RBMS1: variants seen among roughly 807,000 people sequenced by gnomAD.
RBMS1 encodes the protein RNA-binding motif, single-stranded-interacting protein 1.
In RBMS1, 17 loss-of-function variants were observed where a neutral mutation model predicts 62.3. That is an observed-to-expected ratio of 0.27 (90% CI 0.19 to 0.41). The LOEUF (loss-of-function observed/expected upper bound fraction) is 0.41. RBMS1 is among the 10% of genes least tolerant of loss of function. RBMS1 has a pLI of 1.00. For missense variants in RBMS1, 334 were observed against 504.5 expected (o/e 0.66, Z 3.24); for synonymous variants, 172 against 170.0 (o/e 1.01, Z -0.09).
At chr2:160,468,304 CT>C (rs1182009560) in intron 1 of RBMS1, among the ~76,000 whole-genome samples, 1 of 152,164 alleles carries the variant, frequency 6.6e-6, no homozygotes, top group Non-Finnish European at 1.5e-5. Flanking sequence ...GGCACGACCC[CT>C]GCTCACAAGT....
chr2:160,471,026 GA>G (rs1036546140), intron 1 of RBMS1, among the ~76,000 whole-genome samples: 7 of 152,140 alleles, frequency 4.6e-5, no homozygotes, highest in African/African-American at 1.7e-4. Context: ...AGCTGATGGG[GA>G]TAAGCTGTGG....
At chr2:160,454,742 A>G (rs1460580550) in intron 1 of RBMS1, among the ~76,000 whole-genome samples, 1 of 152,214 alleles carries the variant, frequency 6.6e-6, no homozygotes, top group East Asian at 1.9e-4. Context: ...TAAAGGCACC[A>G]GTAAGTCACT....
chr2:160,337,613 C>T (rs1691649151), intron 2 of RBMS1, among the ~76,000 whole-genome samples: 3 of 151,940 alleles, frequency 2.0e-5, no homozygotes, highest in Non-Finnish European at 4.4e-5. Context: ...GAGAACACAC[C>T]TCAGAATGGT....
intron 2 of RBMS1, among the ~76,000 whole-genome samples, chr2:160,337,000 T>A (rs1290564873): frequency 7.2e-5 from 11 of 152,228 alleles, no homozygotes; most frequent in Non-Finnish European, 1.5e-5. Flanking sequence ...TTTGTACTTC[T>A]GAAGTTATTT....
intron 2 of RBMS1, among the ~76,000 whole-genome samples, chr2:160,342,169 T>C (rs555654016): frequency 1.3e-5 from 2 of 152,306 alleles, no homozygotes; most frequent in Admixed American, 6.5e-5. Context: ...GTTTTGAGTA[T>C]CCAATAATCT....
At chr2:160,414,267 C>G (rs1696135403) in intron 1 of RBMS1, among the ~76,000 whole-genome samples, 1 of 152,134 alleles carries the variant, frequency 6.6e-6, no homozygotes, top group Non-Finnish European at 1.5e-5. Flanking sequence ...CTGATGGTTG[C>G]TAAGGTATAA....
chr2:160,409,688 G>T (rs1695945563), intron 1 of RBMS1, among the ~76,000 whole-genome samples: 1 of 152,056 alleles, frequency 6.6e-6, no homozygotes. Context: ...TGTCAAGAGT[G>T]GTCTCTTAGG....
chr2:160,439,900 C>T (rs992987624), intron 1 of RBMS1, among the ~76,000 whole-genome samples: 12 of 150,986 alleles, frequency 7.9e-5, no homozygotes, highest in Admixed American at 2.0e-4. Context: ...CAAAAAAATA[C>T]GAAAACCAGT....
chr2:160,487,947 T>G (rs1298032054), intron 1 of RBMS1, among the ~76,000 whole-genome samples: 2 of 152,230 alleles, frequency 1.3e-5, no homozygotes, highest in Non-Finnish European at 2.9e-5. Context: ...AATTAAAATA[T>G]TCACATAATT....
At chr2:160,302,125 G>T (rs1005800881) in intron 5 of RBMS1, among the ~76,000 whole-genome samples, 28 of 150,730 alleles carry the variant, frequency 1.9e-4, no homozygotes, top group Non-Finnish European at 5.9e-5. Flanking sequence ...ACTCTGAAGT[G>T]TTTTTTTTCT....
chr2:160,365,823 A>G (rs1200458438), intron 2 of RBMS1, among the ~76,000 whole-genome samples: 1 of 152,228 alleles, frequency 6.6e-6, no homozygotes, highest in Non-Finnish European at 1.5e-5. Context: ...AACGCCACTG[A>G]AAGGCCAGCA....
In RBMS1 at chr2:160,287,080, G is replaced by A. The variant is rs1370390557; in HGVS notation, c.645C>T (p.Pro215=). The change falls in exon 7 of 14, where the codon CCC becomes CCT. Residue 215 remains proline (P), a synonymous_variant. Transcript: ENST00000348849. ...FIKTPPGVSA[P]TEPLLCKFAD... is the part of the protein sequence containing the mutation. ...CAAACTTACACAATAAAGGTTCTGT[G>A]GGGGCTAAGTAAACAGAGAAAAATA... The A allele has an allele frequency of 4.2e-5, 68 of 1,613,836 alleles. No homozygotes were observed. The highest frequency in any genetic ancestry group is 5.2e-5 in the Non-Finnish European group (61 of 1,180,010).
intron 6 of RBMS1, among the ~76,000 whole-genome samples, chr2:160,299,616 C>A (rs1432440896): frequency 6.6e-6 from 1 of 152,188 alleles, no homozygotes; most frequent in Non-Finnish European, 1.5e-5. Flanking sequence ...TCAAGGACAG[C>A]TTCGAAACCC....
intron 1 of RBMS1, among the ~76,000 whole-genome samples, chr2:160,387,819 C>T (rs369306856): frequency 1.3e-4 from 20 of 151,012 alleles, no homozygotes; most frequent in African/African-American, 4.6e-4. Context: ...ATATGGCAGA[C>T]ATTAGACAGG....
chr2:160,366,886 G>T, intron 2 of RBMS1: 1 of 192,302 alleles, frequency 5.2e-6, no homozygotes, highest in African/African-American at 2.4e-5. Flanking sequence ...GGCCCTCAGA[G>T]GTGCATCCAC....
At chr2:160,458,067 G>C (rs1684317366) in intron 1 of RBMS1, among the ~76,000 whole-genome samples, 1 of 151,906 alleles carries the variant, frequency 6.6e-6, no homozygotes, top group South Asian at 2.1e-4. Context: ...GGGCAAAAGT[G>C]ATCCTCCCAC....
At position 160,310,606 on chromosome 2, in the gene RBMS1, C is replaced by T. The variant is rs149057472; in HGVS notation, c.402+2550G>A. On this transcript the variant is annotated intron_variant, in intron 4 of 13. Coordinates refer to ENST00000348849, the MANE Select transcript of RBMS1 (RefSeq NM_016836.4). ...AAATAACGACAGTGGCTGCAGAAGT[C>T]GTGAGACTTGCCCTGGATTTTATCC... Among the ~76,000 whole-genome samples, 945 of 152,170 alleles carry T rather than the reference C, an allele frequency of 6.2e-3. 16 individuals are homozygous for T. Among genetic ancestry groups the T allele is most frequent in the African/African-American group, 0.02 (820 of 41,500 alleles).
Position 160,451,790 on chromosome 2 carries a change from G to T in RBMS1, c.75+41499C>A, listed in dbSNP as rs566282172. Among the ~76,000 whole-genome samples the T allele has an allele frequency of 4.2e-3, 637 of 152,018 alleles. 4 individuals carry two copies. Among genetic ancestry groups the T allele is most frequent in the African/African-American group, 0.014 (597 of 41,464 alleles). ...CTCCCGGCTAAATTTTGTATTTTTAGTACAGATGGTGTTTTCACCATGTTG... is the reference window on the plus strand; with the variant it reads ...CTCCCGGCTAAATTTTGTATTTTTATTACAGATGGTGTTTTCACCATGTTG... On this transcript the variant is annotated intron_variant, in intron 1 of 13. Coordinates refer to ENST00000348849, the MANE Select transcript of RBMS1 (RefSeq NM_016836.4).
At chr2:160,363,569 A>G (rs1693244239) in intron 2 of RBMS1, among the ~76,000 whole-genome samples, 1 of 152,062 alleles carries the variant, frequency 6.6e-6, no homozygotes, top group Non-Finnish European at 1.5e-5. Context: ...AGAAGAAGGA[A>G]GAAGGGCTGG....
Sources: allele counts gnomAD v4.1 joint callset (sites outside exome capture counted in the v4.1 genomes callset), GRCh38; gene constraint gnomAD v4.1.1; transcripts MANE v1.5; gene names NCBI Gene and HGNC (gene_info 2026-07-23, HGNC 2026-07-21).